Variants in PLEKHA8 observed in about 807,000 individuals in gnomAD.
PLEKHA8 encodes pleckstrin homology domain containing A8, also known as pleckstrin homology domain-containing family A member 8.
PLEKHA8 carries 36 observed loss-of-function variants against 68.2 expected under a neutral mutation model. The observed-to-expected ratio is 0.53, with a 90% CI of 0.40 to 0.70. The LOEUF is 0.70. Ranked by LOEUF, PLEKHA8 falls within the 30% of genes least tolerant of loss-of-function variation. The probability of loss-of-function intolerance (pLI) is 0.00; values close to 1 mark genes in which losing one functional copy is unlikely to be tolerated. For synonymous variants in PLEKHA8, 211 were observed against 216.1 expected (o/e 0.98, Z 0.20); for missense variants, 505 against 615.4 (o/e 0.82, Z 1.90).
At chr7:30,112,192 A>G (rs1796294423) in intron 13 of PLEKHA8, among the ~76,000 whole-genome samples, 2 of 152,284 alleles carry the variant, frequency 1.3e-5, no homozygotes, top group Non-Finnish European at 1.5e-5. Flanking sequence ...CTGTGCAACA[A>G]CTAACGGCAT....
chr7:30,061,915 A>T lies in PLEKHA8; in HGVS notation c.1117A>T (p.Ile373Leu). ...CCTCCAGAAAGTAAATCAGAAGTAT[A>T]TAACCAACAAAGAAGAGTTTACCAC... ...GNIKKVNQKY[I>L]TNKEEFTTLQ... The change falls in exon 11 of 14, where the codon ATA (isoleucine) becomes TTA (leucine). Residue 373 changes from isoleucine (I) to leucine (L), a missense_variant. Transcript: ENST00000449726. The T allele has an allele frequency of 6.2e-7, 1 of 1,614,118 alleles. No homozygotes were observed. Among genetic ancestry groups the T allele is most frequent in the Non-Finnish European group, 8.5e-7 (1 of 1,180,016 alleles).
chr7:30,069,625 A>C (rs905946480), intron 12 of PLEKHA8: 1 of 152,206 alleles, frequency 6.6e-6, no homozygotes, highest in African/African-American at 2.4e-5. Flanking sequence ...CCAGGTGCCA[A>C]TTCTTTCAGA....
intron 13 of PLEKHA8, among the ~76,000 whole-genome samples, chr7:30,119,733 T>C (rs1796664717): frequency 6.6e-6 from 1 of 152,218 alleles, no homozygotes; most frequent in Non-Finnish European, 1.5e-5. Flanking sequence ...TTAACTGTAA[T>C]TGACCTTCAG....
chr7:30,071,031 T>C (rs1794200500), intron 12 of PLEKHA8, among the ~76,000 whole-genome samples: 1 of 152,194 alleles, frequency 6.6e-6, no homozygotes, highest in Non-Finnish European at 1.5e-5. Flanking sequence ...TAATGTTCTC[T>C]GTACAGGGGG....
At chr7:30,075,782 G>A (rs918618286) in intron 13 of PLEKHA8, among the ~76,000 whole-genome samples, 2 of 152,168 alleles carry the variant, frequency 1.3e-5, no homozygotes, top group African/African-American at 4.8e-5. Flanking sequence ...TGATCCCAGA[G>A]ATATTGTCAA....
At chr7:30,129,951 C>T (rs1796845720), downstream of PLEKHA8, 1 of 153,380 alleles carries the variant, frequency 6.5e-6, no homozygotes, top group Admixed American at 6.5e-5. Context: ...TGCACACCCA[C>T]CATCTGGGGC....
At chr7:30,121,168 A>G (rs1796690828) in intron 13 of PLEKHA8, among the ~76,000 whole-genome samples, 1 of 152,110 alleles carries the variant, frequency 6.6e-6, no homozygotes, top group African/African-American at 2.4e-5. Flanking sequence ...TCTCTTTTTC[A>G]GGTTTGCCTC....
In PLEKHA8 at chr7:30,062,080, C is replaced by T. The variant is rs1793489434; in HGVS notation, c.1229+53C>T. 12 of 1,560,562 alleles carry T rather than the reference C, an allele frequency of 7.7e-6. No individual in the cohort carries two copies. The South Asian group carries it at 1.5e-4, about 19-fold the overall frequency. The stretch of plus-strand genomic sequence containing the variant: ...TAAAATCTAGCTCAAAAAAAATTAC[C>T]AGCAAAAAAAATTGTTACACAAAGG... On this transcript the variant is annotated intron_variant, in intron 11 of 13. Coordinates refer to ENST00000449726, the MANE Select transcript of PLEKHA8 (RefSeq NM_001197026.2).
At chr7:30,067,244 C>T (rs1442747088) in intron 12 of PLEKHA8, among the ~76,000 whole-genome samples, 1 of 152,172 alleles carries the variant, frequency 6.6e-6, no homozygotes, top group Non-Finnish European at 1.5e-5. Flanking sequence ...CCAAGGCAGG[C>T]AGATCACTTG....
At chr7:30,088,922 TG>T (rs1583456646), downstream of PLEKHA8, among the ~76,000 whole-genome samples, 1 of 31,216 alleles carries the variant, frequency 3.2e-5, no homozygotes, top group South Asian at 1.2e-3. Flanking sequence ...TAGGGTGGGG[TG>T]GGGGTGGGTT....
chr7:30,051,096 C>T (rs1476505947), intron 6 of PLEKHA8, among the ~76,000 whole-genome samples: 1 of 152,144 alleles, frequency 6.6e-6, no homozygotes, highest in Non-Finnish European at 1.5e-5. Flanking sequence ...GATAGGGTTT[C>T]ACCATGTTGC....
At chr7:30,125,081 A>G (rs1796751854) in intron 13 of PLEKHA8, among the ~76,000 whole-genome samples, 1 of 152,118 alleles carries the variant, frequency 6.6e-6, no homozygotes, top group Admixed American at 6.6e-5. Context: ...TATCTTTTAC[A>G]CCTAAAATAT....
intron 9 of PLEKHA8, among the ~76,000 whole-genome samples, chr7:30,059,307 C>A (rs1039904940): frequency 6.6e-6 from 1 of 152,016 alleles, no homozygotes; most frequent in East Asian, 1.9e-4. Flanking sequence ...TTTCATTTTC[C>A]GATTATTAAT....
At chr7:30,050,644 A>G in intron 6 of PLEKHA8, 170 bp downstream of exon 6, 1 of 881,230 alleles carries the variant, frequency 1.1e-6, no homozygotes, top group Non-Finnish European at 1.6e-6. Flanking sequence ...GAATCAACCC[A>G]GAGCAGACCT....
intron 2 of PLEKHA8, 133 bp from the exon 3 acceptor site, chr7:30,046,077 G>A: frequency 2.6e-6 from 2 of 769,204 alleles, no homozygotes; most frequent in Non-Finnish European, 2.0e-6. Flanking sequence ...ATTAGGAGAG[G>A]TAATGACTGG....
At chr7:30,117,939 A>G in intron 13 of PLEKHA8, 2 of 1,464,306 alleles carry the variant, frequency 1.4e-6, no homozygotes, top group Non-Finnish European at 1.8e-6. Flanking sequence ...TAAAAAATTT[A>G]AAAACTGAGA....
rs1376878369 is a variant in PLEKHA8 at position 30,074,131 on chromosome 7, C to T, written c.1361C>T (p.Ala454Val). ...HHGWVVRGVFALALRAAPSYE... is the reference protein window; with the variant it reads ...HHGWVVRGVFVLALRAAPSYE... ...GGCTGGGTAGTTCGAGGGGTTTTTG[C>T]GGTAAGTGATCCTTCTTGTCTCCTA... Residue 454 changes from alanine (A) to valine (V), a missense_variant and splice_region_variant, in exon 13 of 14, where the codon GCG becomes GTG. Transcript: ENST00000449726. The T allele has an allele frequency of 5.0e-6, 8 of 1,611,758 alleles. No individual in the cohort carries two copies. The highest frequency in any genetic ancestry group is 2.2e-5 in the East Asian group (1 of 44,856).
Position 30,083,624 on chromosome 7 carries a change from A to G in PLEKHA8, c.*4837A>G. 8 of 985,368 alleles carry G rather than the reference A, an allele frequency of 8.1e-6. No individual in the cohort carries two copies. Among genetic ancestry groups the G allele is most frequent in the African/African-American group, 1.7e-5 (1 of 57,350 alleles). The allele number at this position is 985,368 out of a possible 1,614,324, so 61.0% of individuals were successfully genotyped here. On this transcript the variant is annotated 3_prime_UTR_variant, in exon 14 of 14. Transcript: ENST00000449726. Reference sequence around the variant, plus strand: ...GATCTTTCTTCTCTGCTGTTTTTATATAGCCTTTAATTAAAAGGAAAAAAA... The same window carrying G: ...GATCTTTCTTCTCTGCTGTTTTTATGTAGCCTTTAATTAAAAGGAAAAAAA...
At chr7:30,115,146 A>C (rs143076639) in intron 13 of PLEKHA8, among the ~76,000 whole-genome samples, 8 of 152,256 alleles carry the variant, frequency 5.3e-5, no homozygotes, top group African/African-American at 1.7e-4. Context: ...CAGTTCATTC[A>C]TGCATTTAAA....
Sources: allele counts gnomAD v4.1 joint callset (sites outside exome capture counted in the v4.1 genomes callset), GRCh38; gene constraint gnomAD v4.1.1; transcripts MANE v1.5; gene names NCBI Gene and HGNC (gene_info 2026-07-23, HGNC 2026-07-21).